Variants in LIMCH1 observed in about 807,000 individuals in gnomAD.
LIMCH1 encodes the protein LIM and calponin homology domains-containing protein 1.
A neutral mutation model predicts 176.5 loss-of-function variants in LIMCH1; 113 were observed. The observed-to-expected ratio is 0.64, with a 90% CI of 0.55 to 0.75. The LOEUF is 0.75. Among genes scored for constraint, LIMCH1 ranks in the 30% least tolerant of loss-of-function variants. The probability of loss-of-function intolerance (pLI) is 0.00; values close to 1 mark genes in which losing one functional copy is unlikely to be tolerated. For synonymous variants in LIMCH1, 619 were observed against 645.9 expected (o/e 0.96, Z 0.63); for missense variants, 1,674 against 1,814.9 (o/e 0.92, Z 1.41).
At chr4:41,565,621 C>G (rs950196349) in intron 1 of LIMCH1, among the ~76,000 whole-genome samples, 1 of 151,962 alleles carries the variant, frequency 6.6e-6, no homozygotes, top group Admixed American at 6.6e-5. Context: ...TAACAATGGT[C>G]CAGGTACTTC....
chr4:41,675,076 G>A (rs2095170886), intron 22 of LIMCH1, among the ~76,000 whole-genome samples: 1 of 152,132 alleles, frequency 6.6e-6, no homozygotes, highest in African/African-American at 2.4e-5. Flanking sequence ...GAGCATCATG[G>A]CCATCCCAAT....
At chr4:41,540,177 T>C (rs2078434597) in intron 1 of LIMCH1, among the ~76,000 whole-genome samples, 2 of 152,192 alleles carry the variant, frequency 1.3e-5, no homozygotes, top group Admixed American at 1.3e-4. Flanking sequence ...AACTACCTTA[T>C]GTGGTTTTCA....
intron 1 of LIMCH1, among the ~76,000 whole-genome samples, chr4:41,474,553 G>A (rs971768660): frequency 3.3e-5 from 5 of 152,052 alleles, no homozygotes; most frequent in African/African-American, 1.2e-4. Context: ...CACACAAATG[G>A]CCAACAGATA....
At chr4:41,466,232 C>T (rs910833498) in intron 1 of LIMCH1, among the ~76,000 whole-genome samples, 1 of 152,220 alleles carries the variant, frequency 6.6e-6, no homozygotes, top group Admixed American at 6.5e-5. Context: ...GCTGGGATTA[C>T]AGGCGTGAGC....
Position 41,604,082 on chromosome 4 carries a change from G to A in LIMCH1, c.-103+177G>A, listed in dbSNP as rs373056498. 6 of 511,370 alleles carry A rather than the reference G, an allele frequency of 1.2e-5. No homozygotes were observed. The African/African-American group carries it at 1.2e-4, about 11-fold the overall frequency. 31.7% of individuals were successfully genotyped at this position (511,370 alleles called of 1,614,324 possible). A position where few individuals can be genotyped will look rare whatever the true frequency, so the allele number is the denominator to read the frequency against. ...AAATAGTAAATTGTGTATGTGTTGG[G>A]CTGGGGTGGTGGTGGTTCTCTTTAT... On this transcript the variant is annotated intron_variant, in intron 3 of 31. Transcript: ENST00000503057.
intron 1 of LIMCH1, among the ~76,000 whole-genome samples, chr4:41,460,476 A>ATATATATATCTATCTATCTATC (rs965621988): frequency 7.0e-6 from 1 of 142,664 alleles, no homozygotes; most frequent in African/African-American, 2.7e-5. Flanking sequence ...ATATATATAT[A>ATATATATATCTATCTATCTATC]TATCTTATAA....
intron 1 of LIMCH1, among the ~76,000 whole-genome samples, chr4:41,432,400 C>T (rs74346531): frequency 0.025 from 3,781 of 152,242 alleles, 163 homozygotes; most frequent in African/African-American, 0.085. Flanking sequence ...TTACGTATAA[C>T]GTCAGATTCT....
chr4:41,396,581 A>C (rs2057824528), intron 1 of LIMCH1, among the ~76,000 whole-genome samples: 1 of 151,530 alleles, frequency 6.6e-6, no homozygotes, highest in Non-Finnish European at 1.5e-5. Flanking sequence ...TTTGATATTT[A>C]TCTGTGTCTG....
chr4:41,619,444 A>G lies in LIMCH1; in HGVS notation c.458+4A>G. Reference sequence around the variant, plus strand: ...TGGGTGGGGAGAGGCCCTTCAGGTAAGGCCTGAGCACCGCTGCCCTCTTCC... The same window carrying G: ...TGGGTGGGGAGAGGCCCTTCAGGTAGGGCCTGAGCACCGCTGCCCTCTTCC... On this transcript the variant is annotated splice_donor_region_variant and intron_variant, in intron 6 of 31. Coordinates refer to ENST00000503057, the MANE Select transcript of LIMCH1 (RefSeq NM_001330672.2). The G allele has an allele frequency of 1.2e-6, 2 of 1,606,454 alleles. No individual in the cohort carries two copies. The highest frequency in any genetic ancestry group is 1.7e-6 in the Non-Finnish European group (2 of 1,179,974).
At chr4:41,537,588 CT>C (rs929852364), upstream of LIMCH1, among the ~76,000 whole-genome samples, 1 of 151,940 alleles carries the variant, frequency 6.6e-6, no homozygotes, top group Non-Finnish European at 1.5e-5. Context: ...TATGATGATC[CT>C]TTTTTTTCAT....
chr4:41,677,524 C>T (rs1343044078), intron 23 of LIMCH1, among the ~76,000 whole-genome samples: 1 of 152,160 alleles, frequency 6.6e-6, no homozygotes, highest in Non-Finnish European at 1.5e-5. Context: ...CCACTTCATG[C>T]CAGTTTTATG....
At chr4:41,419,599 CTTCCGTCCTTCCT>C (rs2060303905) in intron 1 of LIMCH1, among the ~76,000 whole-genome samples, 1 of 71,942 alleles carries the variant, frequency 1.4e-5, no homozygotes, top group African/African-American at 1.2e-4. Flanking sequence ...TCCTTCCTTC[CTTCCGTCCTTCCT>C]TCCTTCCTTC....
chr4:41,642,581 T>C (rs1045601635), intron 14 of LIMCH1, among the ~76,000 whole-genome samples: 2 of 151,936 alleles, frequency 1.3e-5, no homozygotes, highest in Non-Finnish European at 2.9e-5. Context: ...TTTTTTGAGA[T>C]AGAGTCTCGC....
intron 1 of LIMCH1, among the ~76,000 whole-genome samples, chr4:41,577,732 A>G (rs1488467096): frequency 2.0e-5 from 3 of 152,178 alleles, no homozygotes; most frequent in African/African-American, 7.2e-5. Context: ...CCTTGCCACA[A>G]GTGATTTTTT....
intron 2 of LIMCH1, among the ~76,000 whole-genome samples, chr4:41,513,573 A>G (rs1454903290): frequency 1.3e-5 from 2 of 152,180 alleles, no homozygotes; most frequent in African/African-American, 4.8e-5. Context: ...ACTCATTCCC[A>G]TCCCCTCTTT....
At chr4:41,560,612 A>G (rs1279330365) in intron 1 of LIMCH1, among the ~76,000 whole-genome samples, 3 of 152,212 alleles carry the variant, frequency 2.0e-5, no homozygotes, top group Non-Finnish European at 4.4e-5. Context: ...GAGGCTGGGC[A>G]TGATGGCTCA....
intron 1 of LIMCH1, among the ~76,000 whole-genome samples, chr4:41,480,836 G>C (rs2068478973): frequency 6.6e-6 from 1 of 152,066 alleles, no homozygotes; most frequent in Non-Finnish European, 1.5e-5. Flanking sequence ...CTGTCTTTCT[G>C]TGCAGCTTCT....
At chr4:41,612,664 C>G (rs1208426461) in intron 4 of LIMCH1, 1 of 702,186 alleles carries the variant, frequency 1.4e-6, no homozygotes, top group Non-Finnish European at 2.6e-6. Context: ...GTATGTGCTG[C>G]TTGTGCTGGA....
chr4:41,370,629 G>A (rs1423618533), intron 1 of LIMCH1, among the ~76,000 whole-genome samples: 1 of 152,200 alleles, frequency 6.6e-6, no homozygotes, highest in Non-Finnish European at 1.5e-5. Flanking sequence ...GGAGGGGCCA[G>A]TGACAAGTAG....
Sources: gnomAD v4.1 joint callset for allele counts (sites outside exome capture counted in the v4.1 genomes callset) on GRCh38, gnomAD v4.1.1 for gene constraint, MANE v1.5 for transcripts, NCBI Gene and HGNC (gene_info 2026-07-23, HGNC 2026-07-21) for gene names.